LMF1: variants seen among roughly 807,000 people sequenced by gnomAD.
The protein encoded by LMF1 is transmembrane protein 112.
Under a neutral mutation model 60.6 loss-of-function variants are expected in LMF1, and 68 were observed. The ratio of observed to expected loss-of-function variants is 1.12; its 90% confidence interval spans 0.92 to 1.37. LMF1 has a LOEUF of 1.37. LMF1 is among the 40% of genes most tolerant of loss of function. The probability of loss-of-function intolerance (pLI) is 0.00; values close to 1 mark genes in which losing one functional copy is unlikely to be tolerated. For missense variants in LMF1, 948 were observed against 767.2 expected (o/e 1.24, Z -2.78); for synonymous variants, 418 against 324.7 (o/e 1.29, Z -3.09).
chr16:902,263 T>C (rs146734257), intron 4 of LMF1: 2,573 of 152,570 alleles, frequency 0.017, 40 homozygotes, highest in Non-Finnish European at 0.027. Context: ...TGCCAGGCTC[T>C]GCTCCAGCCC....
At chr16:898,931 G>A (rs1320166767) in intron 4 of LMF1, 3 of 152,230 alleles carry the variant, frequency 2.0e-5, no homozygotes, top group East Asian at 1.9e-4. Context: ...GCGTGTTCAC[G>A]GTAAGCACAG....
At position 879,664 on chromosome 16, in the gene LMF1, A is replaced by G. The variant is rs201175347; in HGVS notation, c.803T>C (p.Leu268Pro). Residue 268 changes from leucine to proline, a missense_variant, in exon 6 of 11, where the codon CTC becomes CCC. Physicochemically the swap from Leu to Pro is moderately conservative, Grantham distance 98. Coordinates refer to ENST00000262301, the MANE Select transcript of LMF1 (RefSeq NM_022773.4). ...SPWWFHRFET[L>P]SNHFIELLVP... is the part of the protein sequence containing the mutation. ...CAGGAGCTCGATGAAGTGGTTGCTGAGCGTCTCGAAGCGATGGAACCACCA... is the reference window on the plus strand; with the variant it reads ...CAGGAGCTCGATGAAGTGGTTGCTGGGCGTCTCGAAGCGATGGAACCACCA... 5 of 1,611,106 alleles carry G rather than the reference A, an allele frequency of 3.1e-6. No homozygotes were observed. Among genetic ancestry groups the G allele is most frequent in the Middle Eastern group, 1.6e-4 (1 of 6,062 alleles).
At chr16:948,737 CAGAGACGACAGAGTCAG>C (rs2072329143) in intron 2 of LMF1, among the ~76,000 whole-genome samples, 1 of 117,790 alleles carries the variant, frequency 8.5e-6, no homozygotes. Context: ...ATGACAGAGT[CAGAGACGACAGAGTCAG>C]AGCCAACGAC....
chr16:857,451 TGA>T, intron 10 of LMF1, among the ~76,000 whole-genome samples: 1 of 147,080 alleles, frequency 6.8e-6, no homozygotes, highest in African/African-American at 2.6e-5. Flanking sequence ...GGGACGGGTG[TGA>T]GTGGTGTCTC....
At chr16:958,373 A>G (rs549849345) in intron 1 of LMF1, among the ~76,000 whole-genome samples, 46 of 152,376 alleles carry the variant, frequency 3.0e-4, no homozygotes, top group African/African-American at 1.1e-3. Context: ...TAGAATATTT[A>G]AAGAACTTTT....
At position 970,874 on chromosome 16, in the gene LMF1, C is replaced by G; in HGVS notation, c.107G>C (p.Gly36Ala). 1 of 1,566,988 alleles carries G rather than the reference C, an allele frequency of 6.4e-7. No homozygotes were observed. Among genetic ancestry groups the G allele is most frequent in the African/African-American group, 1.4e-5 (1 of 72,318 alleles). ...GAGATGGGCCGGAGAGCCTGCGGGGCCACGCCCCGGCGCGGGCGGCGACTC... is the reference window on the plus strand; with the variant it reads ...GAGATGGGCCGGAGAGCCTGCGGGGGCACGCCCCGGCGCGGGCGGCGACTC... ...EPESPPAPGRGPAGSPAHLHT... is the reference protein window; with the variant it reads ...EPESPPAPGRAPAGSPAHLHT... Residue 36 changes from glycine (G) to alanine (A), a missense_variant, in exon 1 of 11, where the codon GGC (glycine) becomes GCC (alanine). Coordinates refer to ENST00000262301, the MANE Select transcript of LMF1 (RefSeq NM_022773.4).
chr16:895,696 C>A (rs564385167), intron 4 of LMF1, among the ~76,000 whole-genome samples: 3 of 152,146 alleles, frequency 2.0e-5, no homozygotes, highest in Admixed American at 6.5e-5. Context: ...TGACCGATGC[C>A]GAGAGGGACA....
upstream of LMF1, among the ~76,000 whole-genome samples, chr16:972,956 C>T (rs114936182): frequency 0.076 from 11,641 of 152,244 alleles, 492 homozygotes; most frequent in Non-Finnish European, 0.087. Flanking sequence ...AGCAGGTCAC[C>T]GGGGGCAGGG....
At chr16:978,887 T>C (rs2073254306) in intron 1 of LMF1, 1 of 432,068 alleles carries the variant, frequency 2.3e-6, no homozygotes, top group Non-Finnish European at 4.7e-6. Context: ...CACTCTGCTC[T>C]AGCTTCCCCA....
chr16:955,224 G>T (rs1467883477), intron 1 of LMF1, among the ~76,000 whole-genome samples: 1 of 128,822 alleles, frequency 7.8e-6, no homozygotes, highest in Non-Finnish European at 1.6e-5. Flanking sequence ...CATAAAAGGC[G>T]TGCCTGCAGC....
intron 9 of LMF1, 42 bp from the exon 10 acceptor site, chr16:869,098 T>C: frequency 7.6e-7 from 1 of 1,312,268 alleles, no homozygotes; most frequent in South Asian, 1.2e-5. Flanking sequence ...TGCCACTCGC[T>C]GTCCAGGCAC....
At chr16:855,480 G>A (rs1057460722) in intron 10 of LMF1, 3 of 357,512 alleles carry the variant, frequency 8.4e-6, no homozygotes, top group Non-Finnish European at 1.7e-5. Context: ...TCGGAGGACT[G>A]GGCATTTTCT....
intron 4 of LMF1, among the ~76,000 whole-genome samples, chr16:898,431 G>A (rs538667446): frequency 1.3e-4 from 20 of 152,228 alleles, no homozygotes; most frequent in Non-Finnish European, 2.6e-4. Flanking sequence ...CGGGATCTAA[G>A]GCCTGTTCTC....
In LMF1 at chr16:854,419, C is replaced by T. The variant is rs1294762999; in HGVS notation, c.*113G>A. ...CCGTGCTGGGGGCTGGGTCCCACCG[C>T]TCTCCTCTCCACGTCTCTCTTGGCG... is the stretch of plus-strand genomic sequence containing the variant. On this transcript the variant is annotated 3_prime_UTR_variant, in exon 11 of 11. Coordinates refer to ENST00000262301, the MANE Select transcript of LMF1 (RefSeq NM_022773.4). 25 of 1,100,136 alleles carry T rather than the reference C, an allele frequency of 2.3e-5. No homozygotes were observed. Among genetic ancestry groups the T allele is most frequent in the Non-Finnish European group, 3.0e-5 (23 of 757,212 alleles). The allele number at this position is 1,100,136 out of a possible 1,614,324, so 68.1% of individuals were successfully genotyped here. A position where few individuals can be genotyped will look rare whatever the true frequency, so the allele number is the denominator to read the frequency against.
chr16:871,546 G>A, intron 6 of LMF1: 1 of 596,626 alleles, frequency 1.7e-6, no homozygotes, highest in Non-Finnish European at 3.0e-6. Context: ...CCTTCCGGCA[G>A]GTGCTTCCAG....
At chr16:909,504 C>T (rs540403551) in intron 4 of LMF1, among the ~76,000 whole-genome samples, 11 of 152,288 alleles carry the variant, frequency 7.2e-5, no homozygotes, top group Middle Eastern at 3.4e-3. Context: ...TACTGAGCCA[C>T]GCTACACAGA....
intron 3 of LMF1, among the ~76,000 whole-genome samples, chr16:925,455 GTGGC>G (rs1366995040): frequency 2.0e-5 from 3 of 152,194 alleles, no homozygotes; most frequent in African/African-American, 7.2e-5. Context: ...GGAGGGCGTG[GTGGC>G]TCATGCCTGT....
chr16:971,131 C>A, upstream of LMF1: 1 of 749,754 alleles, frequency 1.3e-6, no homozygotes, highest in Non-Finnish European at 1.9e-6. Context: ...GGAGGCACCG[C>A]CCCCTCCAGC....
At chr16:924,968 G>C (rs1197511417) in intron 3 of LMF1, among the ~76,000 whole-genome samples, 2 of 152,236 alleles carry the variant, frequency 1.3e-5, no homozygotes, top group African/African-American at 4.8e-5. Context: ...CCACCGCACA[G>C]ACTGTGCCCT....
Sources: allele counts gnomAD v4.1 joint callset (sites outside exome capture counted in the v4.1 genomes callset), GRCh38; gene constraint gnomAD v4.1.1; transcripts MANE v1.5; gene names NCBI Gene and HGNC (gene_info 2026-07-23, HGNC 2026-07-21).